Variants in METAP2 observed in about 807,000 individuals in gnomAD.
METAP2 encodes the protein methionyl aminopeptidase 2.
Under a neutral mutation model 59.4 loss-of-function variants are expected in METAP2, and 25 were observed. The observed-to-expected ratio is 0.42, with a 90% CI of 0.31 to 0.59. METAP2 has a LOEUF of 0.59. METAP2 is among the 20% of genes least tolerant of loss of function. The probability of loss-of-function intolerance (pLI) is 0.16; values close to 1 mark genes in which losing one functional copy is unlikely to be tolerated. For synonymous variants in METAP2, 214 were observed against 194.1 expected (o/e 1.10, Z -0.85); for missense variants, 366 against 581.2 (o/e 0.63, Z 3.81).
intron 2 of METAP2, among the ~76,000 whole-genome samples, chr12:95,481,420 A>G (rs2076157376): frequency 6.6e-6 from 1 of 152,162 alleles, no homozygotes; most frequent in Non-Finnish European, 1.5e-5. Context: ...CAGAAAAACC[A>G]AAAAAACCAA....
intron 8 of METAP2, among the ~76,000 whole-genome samples, chr12:95,509,969 G>A (rs1252461234): frequency 6.7e-6 from 1 of 150,220 alleles, no homozygotes; most frequent in African/African-American, 2.5e-5. Context: ...CTCCCAAATA[G>A]CTGGGACTAC....
At chr12:95,512,702 C>T (rs768119016) in intron 9 of METAP2, 99 bp from the exon 10 acceptor site, 328 of 683,554 alleles carry the variant, frequency 4.8e-4, no homozygotes, top group Non-Finnish European at 7.7e-4. Flanking sequence ...CAGAGAGAGA[C>T]TCTGTCTCAA....
intron 6 of METAP2, 100 bp from the exon 7 acceptor site, chr12:95,495,904 A>AT (rs1348374862): frequency 2.8e-6 from 2 of 723,554 alleles, no homozygotes; most frequent in African/African-American, 3.5e-5. Flanking sequence ...CCTTCATTCT[A>AT]TTTTTCTGTT....
At chr12:95,489,175 T>C (rs2076219593) in intron 4 of METAP2, among the ~76,000 whole-genome samples, 1 of 152,220 alleles carries the variant, frequency 6.6e-6, no homozygotes, top group Non-Finnish European at 1.5e-5. Context: ...CATTGATTTC[T>C]TATACTTGTT....
chr12:95,483,783 G>A (rs1402464250), intron 3 of METAP2, among the ~76,000 whole-genome samples: 2 of 152,144 alleles, frequency 1.3e-5, no homozygotes, highest in African/African-American at 4.8e-5. Flanking sequence ...TGTCAAGAAT[G>A]GCCGAAGTGG....
At chr12:95,513,530 C>A in intron 10 of METAP2, 122 bp from the exon 11 acceptor site, 1 of 1,100,294 alleles carries the variant, frequency 9.1e-7, no homozygotes, top group Non-Finnish European at 1.3e-6. Context: ...GTTGAAAGAG[C>A]AACAATAAAA....
intron 4 of METAP2, among the ~76,000 whole-genome samples, chr12:95,491,172 C>T (rs532519818): frequency 5.3e-5 from 8 of 150,198 alleles, no homozygotes; most frequent in Non-Finnish European, 7.4e-5. Context: ...TTTGGAATAT[C>T]TATCTTCCTT....
rs1036266097 is a variant in METAP2, at chr12:95,474,167, T to A, written c.-13T>A. 1 of 1,612,684 alleles carries A rather than the reference T, an allele frequency of 6.2e-7. No homozygotes were observed. The stretch of plus-strand genomic sequence containing the variant: ...GCCGCTCTGTCTCATTCCCTCGCGC[T>A]CTCTCGGGCAACATGGCGGGTGTGG... On this transcript the variant is annotated 5_prime_UTR_variant, in exon 1 of 11. Coordinates refer to ENST00000323666, the MANE Select transcript of METAP2 (RefSeq NM_006838.4).
intron 8 of METAP2, among the ~76,000 whole-genome samples, chr12:95,510,825 T>G (rs575694108): frequency 7.4e-4 from 112 of 152,344 alleles, no homozygotes; most frequent in African/African-American, 2.6e-3. Flanking sequence ...TCTTTATGTC[T>G]TTACTACCTA....
intron 8 of METAP2, among the ~76,000 whole-genome samples, chr12:95,505,640 G>A (rs1024467561): frequency 4.6e-5 from 7 of 152,196 alleles, no homozygotes; most frequent in South Asian, 2.1e-4. Flanking sequence ...GATTACAGAC[G>A]TGTGCCACCA....
intron 2 of METAP2, among the ~76,000 whole-genome samples, chr12:95,481,347 G>T (rs984317036): frequency 6.6e-6 from 1 of 152,150 alleles, no homozygotes; most frequent in Non-Finnish European, 1.5e-5. Context: ...GGAGATTGAG[G>T]CTGCAGTGAG....
At chr12:95,493,329 A>C (rs1481897716) in intron 4 of METAP2, among the ~76,000 whole-genome samples, 1 of 152,156 alleles carries the variant, frequency 6.6e-6, no homozygotes, top group African/African-American at 2.4e-5. Flanking sequence ...AAAGTTTTTA[A>C]AAATTAGCTG....
intron 2 of METAP2, among the ~76,000 whole-genome samples, chr12:95,480,364 A>G (rs189455932): frequency 1.3e-5 from 2 of 151,416 alleles, no homozygotes; most frequent in Non-Finnish European, 3.0e-5. Context: ...ATGTGTAGAT[A>G]TGTTTTCATT....
At chr12:95,479,136 TTAGAG>T (rs769205580) in intron 2 of METAP2, among the ~76,000 whole-genome samples, 1 of 152,258 alleles carries the variant, frequency 6.6e-6, no homozygotes, top group African/African-American at 2.4e-5. Flanking sequence ...ACAGGGTTGT[TTAGAG>T]GAGAGGAAGT....
At chr12:95,482,971 A>G (rs1186639379) in intron 2 of METAP2, among the ~76,000 whole-genome samples, 1 of 151,894 alleles carries the variant, frequency 6.6e-6, no homozygotes, top group Admixed American at 6.6e-5. Context: ...CTGGATTCCA[A>G]CTCCTTGGCT....
At chr12:95,496,821 C>CT (rs777002045) in intron 7 of METAP2, among the ~76,000 whole-genome samples, 17,423 of 100,982 alleles carry the variant, frequency 0.17, 1,804 homozygotes, top group East Asian at 0.2. Context: ...CTTTTTCTTT[C>CT]TTTTTTTTTT....
chr12:95,507,516 T>C (rs1047598397), intron 8 of METAP2, among the ~76,000 whole-genome samples: 1 of 152,278 alleles, frequency 6.6e-6, no homozygotes, highest in African/African-American at 2.4e-5. Flanking sequence ...CCTATTCTTA[T>C]GTTTTTATCT....
At chr12:95,501,037 A>G (rs2076311494) in intron 7 of METAP2, among the ~76,000 whole-genome samples, 1 of 127,050 alleles carries the variant, frequency 7.9e-6, no homozygotes, top group Non-Finnish European at 1.6e-5. Context: ...TTTTTGAGAC[A>G]GGTCTCCCTT....
intron 2 of METAP2, among the ~76,000 whole-genome samples, chr12:95,477,868 T>C (rs369607598): frequency 6.6e-6 from 1 of 152,242 alleles, no homozygotes; most frequent in African/African-American, 2.4e-5. Context: ...TTCCTCTTCC[T>C]TAAACCTCTG....
Sources: allele counts gnomAD v4.1 joint callset (sites outside exome capture counted in the v4.1 genomes callset), GRCh38; gene constraint gnomAD v4.1.1; transcripts MANE v1.5; gene names NCBI Gene and HGNC (gene_info 2026-07-23, HGNC 2026-07-21).